Variants in ZNF365 observed in about 807,000 individuals in gnomAD.
The protein encoded by ZNF365 is zinc finger protein 365, also known as protein ZNF365.
ZNF365 carries 22 observed loss-of-function variants against 35.0 expected under a neutral mutation model. That is an observed-to-expected ratio of 0.63 (90% CI 0.45 to 0.90). The LOEUF is 0.90. Ranked by LOEUF, ZNF365 falls within the 40% of genes least tolerant of loss-of-function variation. The pLI, the probability that ZNF365 is intolerant of heterozygous loss-of-function variation, is 0.00. For synonymous variants in ZNF365, 188 were observed against 196.2 expected (o/e 0.96, Z 0.35); for missense variants, 448 against 500.3 (o/e 0.90, Z 1.00).
At chr10:62,454,641 C>T (rs1914183) in intron 3 of ZNF365, among the ~76,000 whole-genome samples, 150,025 of 150,546 alleles carry the variant, frequency 1, 74,752 homozygotes, top group East Asian at 1. Context: ...GTTTTTTTTT[C>T]TTTGCTTCTG....
chr10:62,427,404 A>C (rs1013393208), intron 3 of ZNF365, among the ~76,000 whole-genome samples: 1 of 152,202 alleles, frequency 6.6e-6, no homozygotes, highest in African/African-American at 2.4e-5. Context: ...AGGCTATACC[A>C]CATACCCTAG....
intron 3 of ZNF365, 61 bp from the exon 4 acceptor site, chr10:62,398,679 T>A (rs1839771234): frequency 6.6e-7 from 1 of 1,526,094 alleles, no homozygotes. Flanking sequence ...AAGAAATATT[T>A]TAAAAACCAA....
At chr10:62,412,997 G>A (rs1487250255) in intron 3 of ZNF365, among the ~76,000 whole-genome samples, 1 of 152,174 alleles carries the variant, frequency 6.6e-6, no homozygotes, top group East Asian at 1.9e-4. Context: ...TGGAAAGAGA[G>A]AAGGTTGGCT....
At chr10:62,433,053 G>A (rs924348551) in intron 3 of ZNF365, among the ~76,000 whole-genome samples, 17 of 152,062 alleles carry the variant, frequency 1.1e-4, no homozygotes, top group Non-Finnish European at 2.2e-4. Flanking sequence ...AGATTATCAG[G>A]GAAATCAAAC....
At chr10:62,456,281 C>G (rs1443297354) in intron 3 of ZNF365, among the ~76,000 whole-genome samples, 1 of 152,070 alleles carries the variant, frequency 6.6e-6, no homozygotes, top group Non-Finnish European at 1.5e-5. Flanking sequence ...TATTCTCTGT[C>G]CCAGTAAAAC....
Position 62,400,372 on chromosome 10 carries a change from C to T in ZNF365, c.*583C>T. 1 of 986,258 alleles carries T rather than the reference C, an allele frequency of 1.0e-6. No homozygotes were observed. The highest frequency in any genetic ancestry group is 1.1e-4 in the East Asian group (1 of 8,962). 61.1% of individuals were successfully genotyped at this position (986,258 alleles called of 1,614,324 possible). ...TCAAGGGACTCGTTCAGTCAGACTT[C>T]AGTTCTCATTCCGACAGGGTGTCTT... is the stretch of plus-strand genomic sequence containing the variant. On this transcript the variant is annotated 3_prime_UTR_variant, in exon 5 of 5. Transcript: ENST00000395254.
At chr10:62,417,581 G>A (rs1169398142) in intron 3 of ZNF365, among the ~76,000 whole-genome samples, 1 of 152,002 alleles carries the variant, frequency 6.6e-6, no homozygotes, top group African/African-American at 2.4e-5. Flanking sequence ...TAAGCTAGAT[G>A]TGATTCAACA....
chr10:62,389,082 A>G (rs1465050368), intron 3 of ZNF365, among the ~76,000 whole-genome samples: 1 of 152,184 alleles, frequency 6.6e-6, no homozygotes, highest in Non-Finnish European at 1.5e-5. Context: ...TGAAAGATTC[A>G]CAAGTGATAG....
chr10:62,439,736 G>T (rs1178274054), intron 3 of ZNF365, among the ~76,000 whole-genome samples: 1 of 152,200 alleles, frequency 6.6e-6, no homozygotes, highest in Admixed American at 6.5e-5. Context: ...GCTCTGAAAT[G>T]ACCATCCTCC....
intron 3 of ZNF365, among the ~76,000 whole-genome samples, chr10:62,389,612 A>G (rs1460297218): frequency 6.6e-6 from 1 of 152,224 alleles, no homozygotes; most frequent in Non-Finnish European, 1.5e-5. Flanking sequence ...TTAAATAAGA[A>G]AACTAATTGT....
intron 3 of ZNF365, among the ~76,000 whole-genome samples, chr10:62,396,090 T>C (rs1839722442): frequency 6.6e-6 from 1 of 152,126 alleles, no homozygotes; most frequent in African/African-American, 2.4e-5. Context: ...CTTGTGTTCA[T>C]GGGGGGAGCA....
intron 4 of ZNF365, among the ~76,000 whole-genome samples, chr10:62,469,626 T>C (rs1841001070): frequency 6.6e-6 from 1 of 152,206 alleles, no homozygotes; most frequent in Non-Finnish European, 1.5e-5. Flanking sequence ...TATGTGTGTG[T>C]GTGTTAAAAT....
At chr10:62,391,381 C>G (rs1404803861) in intron 3 of ZNF365, among the ~76,000 whole-genome samples, 1 of 152,110 alleles carries the variant, frequency 6.6e-6, no homozygotes, top group East Asian at 1.9e-4. Flanking sequence ...TCTCACACCC[C>G]TCTCATCCTT....
In ZNF365 at chr10:62,415,223, AT is replaced by A. The variant is rs201350861; in HGVS notation, c.924+26657del. ...AGTCCTCACTCTCAGCATGTGGAAA[AT>A]TTTTTTTTTAACCAAATGCTGATCA... On this transcript the variant is annotated intron_variant, in intron 3 of 4. Coordinates refer to the ZNF365 transcript ENST00000395255. Among the ~76,000 whole-genome samples, 467 of 150,478 alleles carry A rather than the reference AT, an allele frequency of 3.1e-3. 2 individuals are homozygous for A. The highest frequency in any genetic ancestry group is 0.01 in the African/African-American group (422 of 41,016).
Position 62,376,406 on chromosome 10 carries a change from A to G in ZNF365, c.213A>G (p.Thr71=). The change falls in exon 2 of 5, where the codon ACA becomes ACG. Residue 71 remains threonine (T), a synonymous_variant. Transcript: ENST00000395254. ...KCSLFPSLKD[T]DLVTSSELLK... is the part of the protein sequence containing the mutation. ...GTCTCTTTCCATCCCTCAAAGACAC[A>G]GACCTAGTCACTTCCTCAGAACTCC... The G allele has an allele frequency of 6.2e-7, 1 of 1,614,250 alleles. No homozygotes were observed. The highest frequency in any genetic ancestry group is 8.5e-7 in the Non-Finnish European group (1 of 1,180,050).
downstream of ZNF365, among the ~76,000 whole-genome samples, chr10:62,404,113 A>G (rs1397350635): frequency 2.4e-5 from 3 of 124,834 alleles, no homozygotes; most frequent in Admixed American, 8.3e-5. Flanking sequence ...ATCTTCAGCT[A>G]TTATTCCAGG....
intron 3 of ZNF365, among the ~76,000 whole-genome samples, chr10:62,409,035 C>A (rs1427963438): frequency 1.3e-5 from 2 of 152,128 alleles, no homozygotes; most frequent in African/African-American, 4.8e-5. Flanking sequence ...AGATTCCTTC[C>A]CTAATGGGGT....
chr10:62,403,887 G>A (rs948001079), downstream of ZNF365, among the ~76,000 whole-genome samples: 20 of 152,288 alleles, frequency 1.3e-4, 1 homozygote, highest in Admixed American at 1.0e-3. Flanking sequence ...AATTCCAGGG[G>A]TGGCATGCCT....
intron 3 of ZNF365, among the ~76,000 whole-genome samples, chr10:62,455,776 G>A (rs565514338): frequency 6.6e-6 from 1 of 152,288 alleles, no homozygotes; most frequent in East Asian, 1.9e-4. Context: ...AACCTTGTGA[G>A]AAAGGTCTGC....
Sources: gnomAD v4.1 joint callset for allele counts (sites outside exome capture counted in the v4.1 genomes callset) on GRCh38, gnomAD v4.1.1 for gene constraint, MANE v1.5 for transcripts, NCBI Gene and HGNC (gene_info 2026-07-23, HGNC 2026-07-21) for gene names.